COPG2: variants seen among roughly 807,000 people sequenced by gnomAD.
The protein encoded by COPG2 is coat protein complex I subunit gamma 2, also known as coatomer subunit gamma-2.
COPG2 carries 37 observed loss-of-function variants against 46.3 expected under a neutral mutation model. The ratio of observed to expected loss-of-function variants is 0.80; its 90% CI spans 0.61 to 1.05. The LOEUF (loss-of-function observed/expected upper bound fraction) is 1.05, where lower values mean the gene tolerates loss of function less well. COPG2 is among the 50% of genes least tolerant of loss of function. The pLI is 0.00. For synonymous variants in COPG2, 159 were observed against 129.7 expected, an observed-to-expected ratio of 1.23 and a Z score of -1.53; for missense variants, 427 against 387.8, an observed-to-expected ratio of 1.10 and a Z score of -0.85.
chr7:130,642,174 CTTGTAA>C (rs1554457423), intron 5 of COPG2, among the ~76,000 whole-genome samples: 1 of 151,852 alleles, frequency 6.6e-6, no homozygotes, highest in East Asian at 1.9e-4. Context: ...GGTATGCCTT[CTTGTAA>C]TGAGTAGAAC....
intron 20 of COPG2, among the ~76,000 whole-genome samples, chr7:130,533,795 CAG>C (rs1362850353): frequency 1.3e-5 from 2 of 152,014 alleles, no homozygotes; most frequent in Non-Finnish European, 2.9e-5. Context: ...GAAGACCAAT[CAG>C]AGGGTTTCAT....
rs1799484259 is a variant in COPG2 at position 130,506,438 on chromosome 7, ACCCAAAGCTGCACTATCGT to A, written c.*219_*237del. 1.2e-5 allele frequency: 3 copies of A among 243,674 alleles called. No homozygotes were observed. Among genetic ancestry groups the A allele is most frequent in the Non-Finnish European group, 2.4e-5 (3 of 126,902 alleles). 15.1% of individuals were successfully genotyped at this position (243,674 alleles called of 1,614,324 possible). ...AGGATAGTATTTGATTTTCAAGATCACCCAAAGCTGCACTATCGTCCCAAAGCTGACCAAGTAGAATAAA... is the reference window on the plus strand; with the variant it reads ...AGGATAGTATTTGATTTTCAAGATCACCCAAAGCTGACCAAGTAGAATAAA... On this transcript the variant is annotated 3_prime_UTR_variant, in exon 24 of 24. Transcript: ENST00000425248.
intron 9 of COPG2, chr7:130,607,544 G>A: frequency 4.7e-6 from 2 of 425,444 alleles, no homozygotes; most frequent in South Asian, 3.5e-5. Context: ...CCTCCATAGT[G>A]AGTTGCAGCT....
intron 20 of COPG2, among the ~76,000 whole-genome samples, chr7:130,534,328 A>C (rs1327901438): frequency 3.9e-5 from 6 of 152,202 alleles, no homozygotes; most frequent in Non-Finnish European, 8.8e-5. Flanking sequence ...GTTTGAGTCC[A>C]GCATGTGGGG....
At chr7:130,515,694 G>C (rs1035254810) in intron 20 of COPG2, among the ~76,000 whole-genome samples, 3 of 152,242 alleles carry the variant, frequency 2.0e-5, no homozygotes, top group African/African-American at 7.2e-5. Context: ...AGACTTGAAT[G>C]AAAGGAGAGG....
At chr7:130,557,257 A>G (rs1793642156) in intron 12 of COPG2, among the ~76,000 whole-genome samples, 1 of 152,198 alleles carries the variant, frequency 6.6e-6, no homozygotes, top group South Asian at 2.1e-4. Flanking sequence ...TATAATAGCA[A>G]TGAAAAAGGT....
intron 20 of COPG2, among the ~76,000 whole-genome samples, chr7:130,523,676 A>G (rs969657858): frequency 6.6e-6 from 1 of 152,168 alleles, no homozygotes; most frequent in Non-Finnish European, 1.5e-5. Flanking sequence ...TCCCAGACTC[A>G]AGGACTCAGG....
At chr7:130,523,832 C>T (rs1285780061) in intron 20 of COPG2, among the ~76,000 whole-genome samples, 5 of 152,004 alleles carry the variant, frequency 3.3e-5, no homozygotes, top group Non-Finnish European at 4.4e-5. Flanking sequence ...GTCTTGAAGA[C>T]ATCGGTGCTA....
intron 20 of COPG2, among the ~76,000 whole-genome samples, chr7:130,513,043 C>T (rs1242120891): frequency 1.3e-5 from 2 of 151,516 alleles, no homozygotes; most frequent in East Asian, 2.0e-4. Flanking sequence ...CCCAGCACTT[C>T]AGGGGACTGA....
chr7:130,538,576 G>T (rs1192012499), intron 20 of COPG2, among the ~76,000 whole-genome samples: 7 of 151,956 alleles, frequency 4.6e-5, no homozygotes, highest in Non-Finnish European at 7.4e-5. Context: ...AAAGTAGGGG[G>T]AAGGTGCCTA....
chr7:130,668,384 CG>C (rs1447108192), intron 1 of COPG2, among the ~76,000 whole-genome samples: 2 of 148,538 alleles, frequency 1.3e-5, no homozygotes, highest in African/African-American at 4.9e-5. Flanking sequence ...GCAAGAGGGG[CG>C]GGAACGGGGC....
intron 5 of COPG2, among the ~76,000 whole-genome samples, chr7:130,652,371 T>C (rs1795764968): frequency 6.6e-6 from 1 of 152,248 alleles, no homozygotes; most frequent in African/African-American, 2.4e-5. Context: ...AAGTACTGAA[T>C]GCTGCCTGTT....
chr7:130,645,296 C>T (rs1022545731), intron 5 of COPG2: 47 of 612,694 alleles, frequency 7.7e-5, no homozygotes, highest in African/African-American at 6.5e-4. Flanking sequence ...TACTCCTTCA[C>T]GACGCAATGG....
In COPG2 at chr7:130,663,025, C is replaced by A; in HGVS notation, c.185G>T (p.Gly62Val). ...LYLLNQGEHF[G>V]TTEATEAFFA... ...GAAGGCTTCTGTAGCTTCCGTTGTTCCAAAGTGTTCACCCTAAGTAAAATT... is the reference window on the plus strand; with the variant it reads ...GAAGGCTTCTGTAGCTTCCGTTGTTACAAAGTGTTCACCCTAAGTAAAATT... The change falls in exon 4 of 24, where the codon GGA (glycine) becomes GTA (valine). Residue 62 changes from glycine to valine, a missense_variant. Physicochemically the swap from Gly to Val is moderately radical, Grantham distance 109 (BLOSUM62 -3). Coordinates refer to ENST00000425248, the MANE Select transcript of COPG2 (RefSeq NM_012133.6). 6.5e-7 allele frequency: 1 copy of A among 1,539,972 alleles called. No homozygotes were observed. The highest frequency in any genetic ancestry group is 8.7e-7 in the Non-Finnish European group (1 of 1,144,248).
intron 5 of COPG2, among the ~76,000 whole-genome samples, chr7:130,648,834 A>G (rs979752177): frequency 5.3e-4 from 80 of 152,308 alleles, no homozygotes; most frequent in Admixed American, 3.5e-3. Context: ...AAAGCTGAGT[A>G]GTTTCATCGG....
intron 20 of COPG2, among the ~76,000 whole-genome samples, chr7:130,532,434 T>C (rs1420129972): frequency 4.6e-5 from 7 of 151,674 alleles, no homozygotes; most frequent in East Asian, 1.9e-4. Context: ...GTCTTGAAGA[T>C]ATGGGCGCTA....
chr7:130,511,957 G>A, intron 20 of COPG2: 1 of 456,370 alleles, frequency 2.2e-6, no homozygotes. Context: ...GCTCACGCCT[G>A]TAATCCCAGC....
chr7:130,525,158 T>C (rs1253218224), intron 20 of COPG2, among the ~76,000 whole-genome samples: 2 of 151,954 alleles, frequency 1.3e-5, no homozygotes, highest in African/African-American at 2.4e-5. Context: ...CGTAAGTGAA[T>C]AGGAAAAGAA....
intron 20 of COPG2, among the ~76,000 whole-genome samples, chr7:130,528,358 T>C (rs1392675289): frequency 1.3e-5 from 2 of 150,950 alleles, no homozygotes; most frequent in African/African-American, 4.9e-5. Flanking sequence ...TTTTGGGGAG[T>C]CAGGGTTGTG....
Sources: allele counts gnomAD v4.1 joint callset (sites outside exome capture counted in the v4.1 genomes callset), GRCh38; gene constraint gnomAD v4.1.1; transcripts MANE v1.5; gene names NCBI Gene and HGNC (gene_info 2026-07-23, HGNC 2026-07-21).